Variants in DNER observed in about 807,000 individuals in gnomAD.
The protein encoded by DNER is delta/notch like EGF repeat containing, also known as delta and Notch-like epidermal growth factor-related receptor.
A neutral mutation model predicts 78.2 loss-of-function variants in DNER; 33 were observed. The ratio of observed to expected loss-of-function variants is 0.42; its 90% confidence interval spans 0.32 to 0.56. DNER has a LOEUF of 0.56. DNER is among the 20% of genes least tolerant of loss of function. The pLI is 0.11. For missense variants in DNER, 918 were observed against 975.3 expected, an observed-to-expected ratio of 0.94 and a Z score of 0.78; for synonymous variants, 417 against 384.8, an observed-to-expected ratio of 1.08 and a Z score of -0.98.
At chr2:229,648,508 T>C (rs1035795838) in intron 1 of DNER, among the ~76,000 whole-genome samples, 4 of 152,236 alleles carry the variant, frequency 2.6e-5, no homozygotes, top group Non-Finnish European at 5.9e-5. Flanking sequence ...TGTTCGCTTT[T>C]TGTACCACTT....
intron 4 of DNER, among the ~76,000 whole-genome samples, chr2:229,572,231 C>T (rs1239178287): frequency 6.6e-6 from 1 of 152,170 alleles, no homozygotes; most frequent in Non-Finnish European, 1.5e-5. Context: ...AGATACACCT[C>T]GAGTTCTAAA....
At chr2:229,462,680 C>T (rs1178872839) in intron 7 of DNER, among the ~76,000 whole-genome samples, 2 of 152,104 alleles carry the variant, frequency 1.3e-5, no homozygotes, top group Non-Finnish European at 2.9e-5. Flanking sequence ...CAGCAATAAT[C>T]ATTTTCTTAA....
At chr2:229,590,877 A>G (rs1201614351) in intron 2 of DNER, among the ~76,000 whole-genome samples, 1 of 152,244 alleles carries the variant, frequency 6.6e-6, no homozygotes, top group East Asian at 1.9e-4. Flanking sequence ...CCATGGGGGC[A>G]GATCTCTCAT....
At position 229,417,166 on chromosome 2, in the gene DNER, T is replaced by C. The variant is rs556114382; in HGVS notation, c.1609+942A>G. Among the ~76,000 whole-genome samples the C allele has an allele frequency of 9.9e-5, 15 of 152,214 alleles. No homozygotes were observed. In the South Asian group the frequency reaches 3.1e-3, roughly 32 times the overall value. On this transcript the variant is annotated intron_variant, in intron 9 of 12. Transcript: ENST00000341772. ...TCAGCCCTCTTATCCAGGAGCTTAA[T>C]CAAGTTTTCAGTGTAGCCTACAAGG... is the stretch of plus-strand genomic sequence containing the variant.
At chr2:229,659,456 T>C (rs10172673) in intron 1 of DNER, among the ~76,000 whole-genome samples, 6,238 of 152,232 alleles carry the variant, frequency 0.041, 202 homozygotes, top group Middle Eastern at 0.078. Flanking sequence ...GATATAAATA[T>C]TTTTGGTCTC....
chr2:229,381,678 G>A (rs768029531), intron 11 of DNER, among the ~76,000 whole-genome samples: 13 of 152,142 alleles, frequency 8.5e-5, no homozygotes, highest in South Asian at 4.1e-4. Context: ...TGGATTGGAC[G>A]GAGCCCACCG....
chr2:229,425,771 C>T (rs548119588), intron 8 of DNER, among the ~76,000 whole-genome samples: 3 of 152,152 alleles, frequency 2.0e-5, no homozygotes, highest in African/African-American at 7.2e-5. Context: ...AAATTCCCAG[C>T]GACTCATCTG....
intron 1 of DNER, among the ~76,000 whole-genome samples, chr2:229,707,180 A>ATTTTTT (rs397868353): frequency 5.9e-4 from 56 of 94,606 alleles, no homozygotes; most frequent in African/African-American, 1.8e-3. Flanking sequence ...CGGCTGGCTA[A>ATTTTTT]TTTTTTTTTT....
rs181395556 is a variant in DNER, at chr2:229,613,924, G to A, written c.277-22036C>T. 3.0e-3 allele frequency among the ~76,000 whole-genome samples: 449 copies of A among 149,384 alleles called. 4 individuals are homozygous for A. Among genetic ancestry groups the A allele is most frequent in the African/African-American group, 0.011 (429 of 40,580 alleles). On this transcript the variant is annotated intron_variant, in intron 1 of 12. Transcript: ENST00000341772. The stretch of plus-strand genomic sequence containing the variant: ...CATCATTCTCAGCAAACTATCACAA[G>A]GACAAAAAACCAAACACCGCATGTT...
At chr2:229,410,763 C>T (rs1014512790) in intron 9 of DNER, among the ~76,000 whole-genome samples, 1 of 152,148 alleles carries the variant, frequency 6.6e-6, no homozygotes. Flanking sequence ...ATTCAAAAAG[C>T]AGTACACCAA....
intron 1 of DNER, among the ~76,000 whole-genome samples, chr2:229,599,483 G>A (rs893796168): frequency 6.6e-6 from 1 of 152,286 alleles, no homozygotes; most frequent in Non-Finnish European, 1.5e-5. Flanking sequence ...AAGATGTTTA[G>A]CAGCATGCTG....
chr2:229,541,120 G>T (rs1423165059), intron 5 of DNER, among the ~76,000 whole-genome samples: 1 of 152,210 alleles, frequency 6.6e-6, no homozygotes, highest in African/African-American at 2.4e-5. Flanking sequence ...CAGCAGGAAG[G>T]GGGAGATGAG....
intron 6 of DNER, among the ~76,000 whole-genome samples, chr2:229,501,274 A>T (rs1194697661): frequency 6.6e-6 from 1 of 152,044 alleles, no homozygotes; most frequent in African/African-American, 2.4e-5. Context: ...TCCTTAAAAA[A>T]TGCTAAGAAA....
chr2:229,635,983 A>G (rs1402665350), intron 1 of DNER, among the ~76,000 whole-genome samples: 2 of 152,038 alleles, frequency 1.3e-5, no homozygotes, highest in African/African-American at 4.8e-5. Flanking sequence ...CGTTTTACAG[A>G]GTAAGAAACT....
At chr2:229,652,182 T>C (rs1289905606) in intron 1 of DNER, among the ~76,000 whole-genome samples, 2 of 152,096 alleles carry the variant, frequency 1.3e-5, no homozygotes, top group African/African-American at 4.8e-5. Context: ...CTAAGAAAGG[T>C]AGCAGGAAGA....
At chr2:229,461,459 T>C (rs1231686497) in intron 7 of DNER, among the ~76,000 whole-genome samples, 1 of 151,966 alleles carries the variant, frequency 6.6e-6, no homozygotes, top group East Asian at 1.9e-4. Context: ...TTAGTTATGG[T>C]GGCAAAGGGT....
At chr2:229,684,151 A>T (rs1225790420) in intron 1 of DNER, among the ~76,000 whole-genome samples, 3 of 99,778 alleles carry the variant, frequency 3.0e-5, no homozygotes, top group African/African-American at 4.6e-5. Flanking sequence ...TATGTGAGAG[A>T]GAGAGAGAGA....
At chr2:229,535,900 T>C (rs1696394449) in intron 5 of DNER, among the ~76,000 whole-genome samples, 1 of 152,118 alleles carries the variant, frequency 6.6e-6, no homozygotes, top group Non-Finnish European at 1.5e-5. Context: ...CGCCTCAGCC[T>C]CCCAAAGTGC....
At chr2:229,579,545 G>A (rs759991553) in intron 4 of DNER, among the ~76,000 whole-genome samples, 11 of 152,090 alleles carry the variant, frequency 7.2e-5, no homozygotes, top group Admixed American at 5.9e-4. Context: ...AGCTTTAAGC[G>A]GTGCTCTACA....
Sources: gnomAD v4.1 joint callset for allele counts (sites outside exome capture counted in the v4.1 genomes callset) on GRCh38, gnomAD v4.1.1 for gene constraint, MANE v1.5 for transcripts, NCBI Gene and HGNC (gene_info 2026-07-23, HGNC 2026-07-21) for gene names.